The following TRERF1 variants were observed in gnomAD, a reference collection of about 807,000 sequenced individuals.
The protein encoded by TRERF1 is transcriptional-regulating factor 1.
In TRERF1, 27 loss-of-function variants were observed where a neutral mutation model predicts 122.9. That is an observed-to-expected ratio of 0.22 (90% CI 0.16 to 0.30). The LOEUF (loss-of-function observed/expected upper bound fraction) is 0.30. Among genes scored for constraint, TRERF1 ranks in the 10% least tolerant of loss-of-function variants. The pLI is 1.00. For synonymous variants in TRERF1, 636 were observed against 641.7 expected, an observed-to-expected ratio of 0.99 and a Z score of 0.13; for missense variants, 1,248 against 1,560.3, an observed-to-expected ratio of 0.80 and a Z score of 3.37.
intron 13 of TRERF1, 93 bp downstream of exon 13, chr6:42,254,758 C>G (rs1457135123): frequency 1.7e-6 from 2 of 1,159,622 alleles, no homozygotes; most frequent in Non-Finnish European, 2.6e-6. Context: ...TAGGACAGAA[C>G]CGGTGTTATC....
intron 2 of TRERF1, among the ~76,000 whole-genome samples, chr6:42,423,758 A>C (rs148434232): frequency 6.6e-6 from 1 of 152,298 alleles, no homozygotes; most frequent in African/African-American, 2.4e-5. Context: ...AATGACAAAA[A>C]TGTCTACTCT....
At chr6:42,439,651 C>T (rs1467893005) in intron 2 of TRERF1, among the ~76,000 whole-genome samples, 5 of 152,146 alleles carry the variant, frequency 3.3e-5, no homozygotes, top group African/African-American at 1.2e-4. Flanking sequence ...ACTCCGAGGG[C>T]ACCCTGGCCC....
intron 4 of TRERF1, among the ~76,000 whole-genome samples, chr6:42,271,338 C>A (rs570953252): frequency 4.6e-5 from 7 of 152,088 alleles, no homozygotes; most frequent in Non-Finnish European, 8.8e-5. Context: ...TTCTCATGTA[C>A]TACACCAGGG....
At chr6:42,239,455 A>T (rs1773116361) in intron 15 of TRERF1, among the ~76,000 whole-genome samples, 1 of 152,140 alleles carries the variant, frequency 6.6e-6, no homozygotes, top group South Asian at 2.1e-4. Flanking sequence ...CTGCTGAGTG[A>T]GCAGCTGTGC....
chr6:42,434,381 T>TA (rs3997674), intron 2 of TRERF1, among the ~76,000 whole-genome samples: 3,071 of 137,098 alleles, frequency 0.022, 107 homozygotes, highest in East Asian at 0.17. Flanking sequence ...GTAAAATTGC[T>TA]AAAAAAAAAA....
At chr6:42,417,298 T>C (rs534297948) in intron 2 of TRERF1, among the ~76,000 whole-genome samples, 1 of 139,996 alleles carries the variant, frequency 7.1e-6, no homozygotes, top group Non-Finnish European at 1.6e-5. Flanking sequence ...GGGCTTCTTT[T>C]TCTGAGCCTT....
rs578175237 is a variant in TRERF1, at chr6:42,355,052, T to C, written c.-371+7945A>G. Among the ~76,000 whole-genome samples the C allele has an allele frequency of 3.3e-5, 5 of 152,348 alleles. No individual in the cohort carries two copies. The East Asian group carries it at 7.7e-4, about 23-fold the overall frequency. ...TCTTCATCTACAACTAAGCAATCTG[T>C]AGTTAATAATAACTTTGTCATTTTT... On this transcript the variant is annotated intron_variant, in intron 3 of 17. Coordinates refer to ENST00000372922, the Ensembl canonical transcript of TRERF1.
In TRERF1 at chr6:42,420,115, TCTC is replaced by T. The variant is rs1370083457; in HGVS notation, c.-454+31059_-454+31061del. Among the ~76,000 whole-genome samples, 6 of 152,306 alleles carry T rather than the reference TCTC, an allele frequency of 3.9e-5. No individual in the cohort carries two copies. In the South Asian group the frequency reaches 6.2e-4, roughly 16 times the overall value. On this transcript the variant is annotated intron_variant, in intron 2 of 17. Coordinates refer to ENST00000372922, the Ensembl canonical transcript of TRERF1. ...ATGTGATTTAACCTACCTAGGAGCTTCTCCTGTTCTGCTATCCATGAGATGGGA... is the reference window on the plus strand; with the variant it reads ...ATGTGATTTAACCTACCTAGGAGCTTCTGTTCTGCTATCCATGAGATGGGA...
intron 17 of TRERF1, among the ~76,000 whole-genome samples, chr6:42,231,494 C>A (rs979248997): frequency 6.6e-6 from 1 of 152,138 alleles, no homozygotes; most frequent in African/African-American, 2.4e-5. Flanking sequence ...AGAGGTCCCA[C>A]CTAGCCTTGC....
At position 42,228,681 on chromosome 6, in the gene TRERF1, G is replaced by T; in HGVS notation, c.3279-12C>A. On this transcript the variant is annotated splice_polypyrimidine_tract_variant and intron_variant, in intron 17 of 17. Transcript: ENST00000372922. This position sits in a 1 kb window ranked among gnomAD's most constrained non-coding sequence, Gnocchi z 4.2. ...TCTTGAAGAAGACTCTAAAAATAAAGAAAGAGAGGTGTGTAGAATTTAGAA... is the reference window on the plus strand; with the variant it reads ...TCTTGAAGAAGACTCTAAAAATAAATAAAGAGAGGTGTGTAGAATTTAGAA... 2 of 1,580,470 alleles carry T rather than the reference G, an allele frequency of 1.3e-6. No homozygotes were observed. The highest frequency in any genetic ancestry group is 1.2e-5 in the South Asian group (1 of 85,804).
intron 2 of TRERF1, among the ~76,000 whole-genome samples, chr6:42,434,671 C>CACAGACACACAG (rs199906638): frequency 9.0e-5 from 9 of 99,824 alleles, no homozygotes; most frequent in Non-Finnish European, 1.4e-4. Context: ...CCCTCCACCA[C>CACAGACACACAG]ACACACACAC....
Position 42,269,795 on chromosome 6 carries a change from C to T in TRERF1, c.-205G>A. ...CAGGGCGGGGGGTTTCACATCCTCT[C>T]CCTGGCTGAGGTATAGACCACACAG... On this transcript the variant is annotated 5_prime_UTR_variant, in exon 5 of 18. Coordinates refer to ENST00000372922, the Ensembl canonical transcript of TRERF1. This position sits in a 1 kb window ranked among gnomAD's most constrained non-coding sequence, Gnocchi z 4.9. 7.1e-7 allele frequency: 1 copy of T among 1,406,518 alleles called. No homozygotes were observed. Among genetic ancestry groups the T allele is most frequent in the South Asian group, 1.5e-5 (1 of 65,680 alleles). 87.1% of individuals were successfully genotyped at this position (1,406,518 alleles called of 1,614,324 possible). A position where few individuals can be genotyped will look rare whatever the true frequency, so the allele number is the denominator to read the frequency against.
chr6:42,441,390 T>C (rs1180836803), intron 2 of TRERF1, among the ~76,000 whole-genome samples: 1 of 152,218 alleles, frequency 6.6e-6, no homozygotes, highest in Non-Finnish European at 1.5e-5. Flanking sequence ...CTATTTTGAC[T>C]AAGCCAGCAC....
intron 2 of TRERF1, among the ~76,000 whole-genome samples, chr6:42,381,967 G>A (rs1776012990): frequency 6.6e-6 from 1 of 151,482 alleles, no homozygotes; most frequent in Admixed American, 6.6e-5. Context: ...AATTATAATA[G>A]CTAACACTTA....
chr6:42,327,321 C>T (rs1042979865), intron 3 of TRERF1, among the ~76,000 whole-genome samples: 6 of 152,176 alleles, frequency 3.9e-5, no homozygotes, highest in Admixed American at 3.3e-4. Context: ...TGGGGGTTGT[C>T]CCTTTAATTC....
intron 4 of TRERF1, among the ~76,000 whole-genome samples, chr6:42,288,828 A>G (rs1190605838): frequency 6.6e-6 from 1 of 151,990 alleles, no homozygotes; most frequent in Non-Finnish European, 1.5e-5. Context: ...ATGGAGGAAA[A>G]AGGAACACAG....
intron 3 of TRERF1, among the ~76,000 whole-genome samples, chr6:42,338,505 C>A (rs1766635055): frequency 6.6e-6 from 1 of 152,148 alleles, no homozygotes; most frequent in African/African-American, 2.4e-5. Flanking sequence ...TGCATATGCT[C>A]ATTAGAATGG....
intron 3 of TRERF1, 66 bp downstream of exon 3, chr6:42,362,931 C>G (rs979435582): frequency 2.1e-4 from 32 of 153,902 alleles, no homozygotes; most frequent in African/African-American, 7.7e-4. Flanking sequence ...CATATGGGTC[C>G]AAGAAATGGT....
chr6:42,237,718 T>C (rs900655720), intron 15 of TRERF1, among the ~76,000 whole-genome samples: 6 of 152,202 alleles, frequency 3.9e-5, no homozygotes, highest in African/African-American at 1.4e-4. Context: ...TAAAGATTTC[T>C]GAAAGTAGTG....
Sources: gnomAD v4.1 joint callset for allele counts (sites outside exome capture counted in the v4.1 genomes callset) on GRCh38, gnomAD v4.1.1 for gene constraint, Gnocchi (gnomAD v3.1) non-coding constraint, MANE v1.5 for transcripts, NCBI Gene and HGNC (gene_info 2026-07-23, HGNC 2026-07-21) for gene names.